The following MAP3K20 variants were observed in gnomAD, a reference collection of about 807,000 sequenced individuals.
MAP3K20 encodes HCCS-4.
In MAP3K20, 40 loss-of-function variants were observed where a neutral mutation model predicts 85.7. The ratio of observed to expected loss-of-function variants is 0.47; its 90% CI spans 0.36 to 0.61. The LOEUF (loss-of-function observed/expected upper bound fraction) is 0.61, where lower values mean the gene tolerates loss of function less well. Ranked by LOEUF, MAP3K20 falls within the 20% of genes least tolerant of loss-of-function variation. The pLI is 0.00. For synonymous variants in MAP3K20, 325 were observed against 327.7 expected (o/e 0.99, Z 0.09); for missense variants, 817 against 961.7 (o/e 0.85, Z 1.99).
At chr2:173,100,540 C>T (rs1307281348) in intron 2 of MAP3K20, among the ~76,000 whole-genome samples, 1 of 152,164 alleles carries the variant, frequency 6.6e-6, no homozygotes, top group African/African-American at 2.4e-5. Context: ...TATTGACATA[C>T]CTACATTTTC....
intron 7 of MAP3K20, among the ~76,000 whole-genome samples, chr2:173,194,900 G>A (rs1327331635): frequency 2.0e-5 from 3 of 151,980 alleles, no homozygotes; most frequent in Non-Finnish European, 4.4e-5. Flanking sequence ...ATAAACCTTT[G>A]TTGCTTCTTA....
At chr2:173,172,446 A>C (rs1184261432) in intron 3 of MAP3K20, among the ~76,000 whole-genome samples, 7 of 152,096 alleles carry the variant, frequency 4.6e-5, no homozygotes, top group African/African-American at 1.4e-4. Flanking sequence ...TGGAATGGGA[A>C]TTGTGAGATG....
chr2:173,221,488 T>TGAC (rs1046302248), intron 11 of MAP3K20: 4 of 1,606,130 alleles, frequency 2.5e-6, no homozygotes, highest in East Asian at 4.5e-5. Flanking sequence ...ATGATGATGA[T>TGAC]GACGGTGAGG....
At chr2:173,230,720 G>C (rs574370356) in intron 12 of MAP3K20, among the ~76,000 whole-genome samples, 92 of 152,320 alleles carry the variant, frequency 6.0e-4, no homozygotes, top group Admixed American at 1.2e-3. Context: ...TCAGAGACTA[G>C]GTTGGGCACG....
rs1240216065 is a variant in MAP3K20 at position 173,263,776 on chromosome 2, A to G, written c.1583A>G (p.His528Arg). 5 of 1,611,682 alleles carry G rather than the reference A, an allele frequency of 3.1e-6. No homozygotes were observed. Among genetic ancestry groups the G allele is most frequent in the South Asian group, 1.1e-5 (1 of 90,404 alleles). ...GTTAGAACTCCAAAAAGCACTAAAC[A>G]TGTCCATTCGATTCAGTGGAGTAGA... ...SDVRTPKSTK[H>R]VHSIQWSRTK... is the part of the protein sequence containing the mutation. The change falls in exon 19 of 20, where the codon CAT becomes CGT. Residue 528 changes from histidine to arginine, a missense_variant. This residue lies in a region of MAP3K20 where 454 missense variants were observed against 476.9 expected (regional missense o/e 0.95). Transcript: ENST00000375213.
chr2:173,179,717 C>T (rs1424069103), intron 3 of MAP3K20, among the ~76,000 whole-genome samples: 1 of 151,534 alleles, frequency 6.6e-6, no homozygotes, highest in Non-Finnish European at 1.5e-5. Flanking sequence ...CACACACACA[C>T]ACACACACAC....
chr2:173,203,849 G>T lies in MAP3K20; in HGVS notation c.723G>T (p.Gln241His), dbSNP rs750933455. 1 of 1,613,910 alleles carries T rather than the reference G, an allele frequency of 6.2e-7. No homozygotes were observed. Among genetic ancestry groups the T allele is most frequent in the Non-Finnish European group, 8.5e-7 (1 of 1,179,886 alleles). Residue 241 changes from glutamine to histidine, a missense_variant, in exon 9 of 20, where the codon CAG (glutamine) becomes CAT (histidine). Gln to His is a conservative substitution (Grantham distance 24, BLOSUM62 0). This residue lies in a region of MAP3K20 where 200 missense variants were observed against 302.7 expected (regional missense o/e 0.66). Coordinates refer to ENST00000375213, the MANE Select transcript of MAP3K20 (RefSeq NM_016653.3). ...CPRSFAELLHQCWEADAKKRP... is the reference protein window; with the variant it reads ...CPRSFAELLHHCWEADAKKRP... ...GAAGTTTTGCTGAACTGTTACATCAGTGTTGGGAAGCTGATGCCAAGGTAT... is the reference window on the plus strand; with the variant it reads ...GAAGTTTTGCTGAACTGTTACATCATTGTTGGGAAGCTGATGCCAAGGTAT...
chr2:173,204,899 C>T (rs61183795), intron 9 of MAP3K20, among the ~76,000 whole-genome samples: 29,665 of 151,790 alleles, frequency 0.2, 3,916 homozygotes, highest in East Asian at 0.57. Context: ...GTCAGGAGAT[C>T]GAGACCATCC....
intron 2 of MAP3K20, chr2:173,166,563 ACT>A (rs1246567591): frequency 6.6e-6 from 1 of 152,298 alleles, no homozygotes; most frequent in Middle Eastern, 3.4e-3. Flanking sequence ...ACTCCTTATA[ACT>A]CTCATATACA....
chr2:173,085,044 G>T (rs1687109029), intron 1 of MAP3K20, among the ~76,000 whole-genome samples: 1 of 152,124 alleles, frequency 6.6e-6, no homozygotes, highest in South Asian at 2.1e-4. Context: ...TAACTTTGGG[G>T]CTATCAGTTT....
At chr2:173,264,288 G>C (rs866095923) in intron 19 of MAP3K20, among the ~76,000 whole-genome samples, 2 of 152,306 alleles carry the variant, frequency 1.3e-5, no homozygotes, top group Middle Eastern at 6.8e-3. Flanking sequence ...GAAGCCCAGA[G>C]GTAGGGCAGG....
chr2:173,189,228 TTAA>T (rs967286168), intron 5 of MAP3K20, among the ~76,000 whole-genome samples: 41 of 152,232 alleles, frequency 2.7e-4, no homozygotes, highest in African/African-American at 8.7e-4. Flanking sequence ...GAATATAAAA[TTAA>T]TAATATTTAC....
chr2:173,192,377 A>G (rs1356286983), intron 7 of MAP3K20, among the ~76,000 whole-genome samples: 1 of 152,236 alleles, frequency 6.6e-6, no homozygotes, highest in East Asian at 1.9e-4. Flanking sequence ...CATCCTATGT[A>G]TACCAAATTA....
At chr2:173,240,219 A>G (rs139718134) in intron 16 of MAP3K20, among the ~76,000 whole-genome samples, 1 of 152,170 alleles carries the variant, frequency 6.6e-6, no homozygotes, top group Non-Finnish European at 1.5e-5. Context: ...ATAGCAGAAT[A>G]AAGATTTGAA....
At position 173,251,437 on chromosome 2, in the gene MAP3K20, C is replaced by A. The variant is rs575731965; in HGVS notation, c.1360-7262C>A. On this transcript the variant is annotated intron_variant, in intron 16 of 19. Coordinates refer to ENST00000375213, the MANE Select transcript of MAP3K20 (RefSeq NM_016653.3). ...AGCCAAATGACCTGGCTACAAATCTCCCCATTTTCTGAGCCTCAGTCTCCT... is the reference window on the plus strand; with the variant it reads ...AGCCAAATGACCTGGCTACAAATCTACCCATTTTCTGAGCCTCAGTCTCCT... Among the ~76,000 whole-genome samples the A allele has an allele frequency of 4.6e-5, 7 of 152,300 alleles. No homozygotes were observed. The South Asian group carries it at 1.5e-3, about 32-fold the overall frequency.
At chr2:173,157,507 T>C (rs1689513754) in intron 2 of MAP3K20, among the ~76,000 whole-genome samples, 1 of 152,220 alleles carries the variant, frequency 6.6e-6, no homozygotes, top group African/African-American at 2.4e-5. Context: ...TTTCAGACTC[T>C]TTTAAAATTA....
intron 16 of MAP3K20, among the ~76,000 whole-genome samples, chr2:173,242,779 T>C (rs904978522): frequency 7.0e-6 from 1 of 142,218 alleles, no homozygotes; most frequent in African/African-American, 2.6e-5. Context: ...CAATCTCGGC[T>C]CACTGCAACC....
At chr2:173,261,915 G>A (rs1380116830) in intron 18 of MAP3K20, among the ~76,000 whole-genome samples, 2 of 151,920 alleles carry the variant, frequency 1.3e-5, no homozygotes, top group Non-Finnish European at 2.9e-5. Context: ...TACTCGGGAG[G>A]TTGAAGTCGG....
At chr2:173,152,757 A>G (rs1379713648) in intron 2 of MAP3K20, among the ~76,000 whole-genome samples, 1 of 152,208 alleles carries the variant, frequency 6.6e-6, no homozygotes, top group African/African-American at 2.4e-5. Context: ...TTGCACCACA[A>G]GTTACGTAGG....
Sources: gnomAD v4.1 joint callset for allele counts (sites outside exome capture counted in the v4.1 genomes callset) on GRCh38, gnomAD v4.1.1 for gene constraint, gnomAD v4.1.1 regional missense constraint, MANE v1.5 for transcripts, NCBI Gene and HGNC (gene_info 2026-07-23, HGNC 2026-07-21) for gene names.